ESRRG: variants seen among roughly 807,000 people sequenced by gnomAD.
ESRRG encodes the protein estrogen-related receptor gamma.
In ESRRG, 13 loss-of-function variants were observed where a neutral mutation model predicts 44.0. That is an observed-to-expected ratio of 0.30 (90% CI 0.19 to 0.47). The LOEUF (loss-of-function observed/expected upper bound fraction) is 0.47. Among genes scored for constraint, ESRRG ranks in the 20% least tolerant of loss-of-function variants. ESRRG has a pLI of 1.00. For missense variants in ESRRG, 395 were observed against 580.6 expected (o/e 0.68, Z 3.29); for synonymous variants, 215 against 214.6 (o/e 1.00, Z -0.02).
At chr1:216,837,208 G>A (rs548651233) in intron 2 of ESRRG, among the ~76,000 whole-genome samples, 3 of 151,984 alleles carry the variant, frequency 2.0e-5, no homozygotes, top group African/African-American at 7.2e-5. Flanking sequence ...AGGAGATCGA[G>A]ACCATCCTAG....
intron 1 of ESRRG, among the ~76,000 whole-genome samples, chr1:217,024,484 C>G (rs1468097978): frequency 6.6e-6 from 1 of 152,108 alleles, no homozygotes; most frequent in African/African-American, 2.4e-5. Flanking sequence ...ATCACCCCCT[C>G]CACAGCCACC....
intron 6 of ESRRG, among the ~76,000 whole-genome samples, chr1:216,510,660 C>G (rs544474099): frequency 6.6e-6 from 1 of 152,060 alleles, no homozygotes; most frequent in Non-Finnish European, 1.5e-5. Flanking sequence ...CCGAGGCAGG[C>G]AGATCACGAG....
At chr1:217,032,760 C>T (rs2082259949) in intron 1 of ESRRG, among the ~76,000 whole-genome samples, 2 of 152,204 alleles carry the variant, frequency 1.3e-5, no homozygotes, top group African/African-American at 4.8e-5. Context: ...AATTCTCCAT[C>T]TCCCAAATGC....
upstream of ESRRG, among the ~76,000 whole-genome samples, chr1:216,727,896 A>AG (rs1037682213): frequency 6.6e-6 from 1 of 150,880 alleles, no homozygotes; most frequent in Non-Finnish European, 1.5e-5. Flanking sequence ...TGAAAGTTGG[A>AG]GGGGGAAAAA....
At chr1:216,524,009 A>G (rs1205712885) in intron 5 of ESRRG, among the ~76,000 whole-genome samples, 3 of 151,902 alleles carry the variant, frequency 2.0e-5, no homozygotes, top group African/African-American at 2.4e-5. Flanking sequence ...AAATAAACCT[A>G]ATGTTTACAG....
intron 1 of ESRRG, among the ~76,000 whole-genome samples, chr1:217,127,654 C>CTG (rs1389639534): frequency 6.6e-6 from 1 of 152,184 alleles, no homozygotes; most frequent in Admixed American, 6.5e-5. Context: ...AAAAACCCAG[C>CTG]TCTGCCACTC....
At chr1:216,838,068 G>A (rs2095596556) in intron 2 of ESRRG, among the ~76,000 whole-genome samples, 1 of 152,148 alleles carries the variant, frequency 6.6e-6, no homozygotes, top group Non-Finnish European at 1.5e-5. Flanking sequence ...ACATGAGAAG[G>A]CATGAAATGG....
intron 1 of ESRRG, among the ~76,000 whole-genome samples, chr1:217,017,473 T>G (rs1890554): frequency 0.74 from 97,822 of 131,512 alleles, 35,486 homozygotes; most frequent in African/African-American, 0.87. Context: ...AGAATCTACA[T>G]AACTCAAAAA....
chr1:216,853,214 T>C (rs1431444720), intron 2 of ESRRG, among the ~76,000 whole-genome samples: 1 of 152,170 alleles, frequency 6.6e-6, no homozygotes, highest in African/African-American at 2.4e-5. Context: ...TATAGGCCAA[T>C]TGGCTGACTG....
At chr1:216,851,505 C>A (rs1453951719) in intron 2 of ESRRG, among the ~76,000 whole-genome samples, 3 of 137,694 alleles carry the variant, frequency 2.2e-5, no homozygotes, top group African/African-American at 7.4e-5. Context: ...GAGATTAGTG[C>A]CCTTATAAAA....
intron 4 of ESRRG, among the ~76,000 whole-genome samples, chr1:216,565,816 C>T (rs2059582345): frequency 6.6e-6 from 1 of 152,012 alleles, no homozygotes; most frequent in African/African-American, 2.4e-5. Flanking sequence ...TTCTTGTATG[C>T]TACAGAAACA....
At chr1:216,652,048 T>C (rs2069115643) in intron 2 of ESRRG, among the ~76,000 whole-genome samples, 1 of 152,166 alleles carries the variant, frequency 6.6e-6, no homozygotes. Flanking sequence ...CGTTACTTCC[T>C]AACCCTTTCC....
At chr1:216,573,988 T>C (rs912825147) in intron 3 of ESRRG, among the ~76,000 whole-genome samples, 2 of 152,068 alleles carry the variant, frequency 1.3e-5, no homozygotes, top group Admixed American at 6.6e-5. Context: ...TGGCAAAGCC[T>C]GTCTCTGTAT....
At chr1:216,676,527 G>A (rs927000414) in intron 2 of ESRRG, among the ~76,000 whole-genome samples, 4 of 152,130 alleles carry the variant, frequency 2.6e-5, no homozygotes, top group Non-Finnish European at 4.4e-5. Flanking sequence ...CCCTGGACCG[G>A]CAGCATCATC....
intron 2 of ESRRG, among the ~76,000 whole-genome samples, chr1:216,674,891 G>A (rs950939934): frequency 6.6e-6 from 1 of 151,882 alleles, no homozygotes; most frequent in Non-Finnish European, 1.5e-5. Context: ...GGGATTACAG[G>A]CATGAGCCAC....
chr1:216,857,375 A>AC (rs1240245119), intron 2 of ESRRG, among the ~76,000 whole-genome samples: 1 of 151,846 alleles, frequency 6.6e-6, no homozygotes. Context: ...AAAAAAAAAA[A>AC]AGAAAAAAAC....
intron 1 of ESRRG, among the ~76,000 whole-genome samples, chr1:216,984,047 A>AG (rs2074450474): frequency 7.5e-6 from 1 of 133,868 alleles, no homozygotes; most frequent in Non-Finnish European, 1.6e-5. Context: ...GATAATAAGA[A>AG]TGGGGGGGGG....
intron 1 of ESRRG, among the ~76,000 whole-genome samples, chr1:217,112,712 T>G (rs2092674004): frequency 6.6e-6 from 1 of 152,190 alleles, no homozygotes; most frequent in African/African-American, 2.4e-5. Flanking sequence ...ATCTCCAGTC[T>G]CTCTCTAAAA....
intron 1 of ESRRG, among the ~76,000 whole-genome samples, chr1:216,704,101 A>G (rs1210569394): frequency 1.3e-5 from 2 of 152,210 alleles, no homozygotes; most frequent in Non-Finnish European, 2.9e-5. Context: ...CGTTCCCCAT[A>G]TAGACCTTGC....
Sources: gnomAD v4.1 joint callset for allele counts (sites outside exome capture counted in the v4.1 genomes callset) on GRCh38, gnomAD v4.1.1 for gene constraint, MANE v1.5 for transcripts, NCBI Gene and HGNC (gene_info 2026-07-23, HGNC 2026-07-21) for gene names.